The following CACNA1I variants were observed in gnomAD, a reference collection of about 807,000 sequenced individuals.
CACNA1I encodes voltage-dependent T-type calcium channel subunit alpha-1I.
CACNA1I carries 74 observed loss-of-function variants against 201.6 expected under a neutral mutation model. The ratio of observed to expected loss-of-function variants is 0.37; its 90% confidence interval spans 0.30 to 0.45. The LOEUF is 0.45. CACNA1I is among the 20% of genes least tolerant of loss of function. CACNA1I has a pLI of 1.00. For synonymous variants in CACNA1I, 1,431 were observed against 1,345.2 expected (o/e 1.06, Z -1.40); for missense variants, 2,346 against 3,138.1 (o/e 0.75, Z 6.03).
chr22:39,594,277 C>T (rs1047051826), intron 1 of CACNA1I, among the ~76,000 whole-genome samples: 24 of 151,736 alleles, frequency 1.6e-4, no homozygotes, highest in African/African-American at 4.6e-4. Context: ...TCCTGGGAGA[C>T]GCCACTAAGT....
rs769706054 is a variant in CACNA1I at position 39,646,613 on chromosome 22, G to A, written c.1194G>A (p.Ala398=). The A allele has an allele frequency of 8.9e-6, 14 of 1,571,194 alleles. No individual in the cohort carries two copies. The highest frequency in any genetic ancestry group is 5.4e-5 in the African/African-American group (4 of 73,736). The change falls in exon 8 of 37, where the codon GCG becomes GCA. Residue 398 remains alanine (A), a synonymous_variant. Coordinates refer to ENST00000402142, the MANE Select transcript of CACNA1I (RefSeq NM_021096.4). The stretch of plus-strand genomic sequence containing the variant: ...TCAACCTGTGCCTCGTTGTCATAGC[G>A]ACCCAGTTCTCGGAGACCAAGCAAC... ...FMINLCLVVI[A]TQFSETKQRE... is the part of the protein sequence containing the mutation.
Position 39,649,384 on chromosome 22 carries a change from C to T in CACNA1I, c.1568-117C>T, listed in dbSNP as rs1350364570. 12 of 1,078,396 alleles carry T rather than the reference C, an allele frequency of 1.1e-5. No individual in the cohort carries two copies. The highest frequency in any genetic ancestry group is 6.6e-5 in the Admixed American group (2 of 30,432). 66.8% of individuals were successfully genotyped at this position (1,078,396 alleles called of 1,614,324 possible). A position where few individuals can be genotyped will look rare whatever the true frequency, so the allele number is the denominator to read the frequency against. ...CCCTGACCGCCTTTCCAGGCTGGGTCGGCTGGTTCCAGGCAGACCTGTGGG... is the reference window on the plus strand; with the variant it reads ...CCCTGACCGCCTTTCCAGGCTGGGTTGGCTGGTTCCAGGCAGACCTGTGGG... On this transcript the variant is annotated intron_variant, in intron 9 of 36. Coordinates refer to ENST00000402142, the MANE Select transcript of CACNA1I (RefSeq NM_021096.4). The surrounding 1 kb of genome is among the most constrained non-coding windows in gnomAD (Gnocchi z 7.3).
chr22:39,663,707 A>T lies in CACNA1I; in HGVS notation c.3474-11A>T. The T allele has an allele frequency of 1.2e-6, 1 of 864,824 alleles. No individual in the cohort carries two copies. Among genetic ancestry groups the T allele is most frequent in the Non-Finnish European group, 1.8e-6 (1 of 566,934 alleles). The allele number at this position is 864,824 out of a possible 1,614,324, so 53.6% of individuals were successfully genotyped here. A position where few individuals can be genotyped will look rare whatever the true frequency, so the allele number is the denominator to read the frequency against. ...GCTGACGCTCAGGCAGCCCCCGCCC[A>T]CCCTGCCCAGGTTCCGGGTCCTGTG... On this transcript the variant is annotated splice_polypyrimidine_tract_variant and intron_variant, in intron 18 of 36. Transcript: ENST00000402142.
chr22:39,641,638 A>G (rs904243529), intron 6 of CACNA1I, among the ~76,000 whole-genome samples: 4 of 152,358 alleles, frequency 2.6e-5, no homozygotes, highest in Non-Finnish European at 2.9e-5. Flanking sequence ...CAAGTAGCTC[A>G]TCTGGAGTCA....
At chr22:39,604,153 C>T (rs570206610) in intron 3 of CACNA1I, among the ~76,000 whole-genome samples, 2 of 152,282 alleles carry the variant, frequency 1.3e-5, no homozygotes, top group Admixed American at 6.5e-5. Context: ...GTTCTGCTGG[C>T]TCCACAGACT....
intron 1 of CACNA1I, among the ~76,000 whole-genome samples, chr22:39,577,465 C>T (rs1932395550): frequency 6.6e-6 from 1 of 152,244 alleles, no homozygotes; most frequent in African/African-American, 2.4e-5. Context: ...CCTCATGGCC[C>T]CTCGAAGCCC....
intron 1 of CACNA1I, among the ~76,000 whole-genome samples, chr22:39,592,604 C>T (rs1932835442): frequency 1.3e-5 from 2 of 152,230 alleles, no homozygotes; most frequent in South Asian, 4.1e-4. Flanking sequence ...GGCTTCAAGC[C>T]TCGCTGTGAG....
intron 4 of CACNA1I, among the ~76,000 whole-genome samples, chr22:39,627,421 C>G (rs183213018): frequency 6.6e-6 from 1 of 152,236 alleles, no homozygotes; most frequent in Non-Finnish European, 1.5e-5. Context: ...CTGTGGACAG[C>G]GCCCCGAACG....
intron 2 of CACNA1I, among the ~76,000 whole-genome samples, chr22:39,598,941 GTTTTTTTTT>G (rs3044380): frequency 5.9e-5 from 4 of 68,266 alleles, no homozygotes; most frequent in East Asian, 4.6e-4. Context: ...TGCCTCTTGG[GTTTTTTTTT>G]TTTTTTTTTT....
rs149991020 is a variant in CACNA1I at position 39,636,871 on chromosome 22, C to A, written c.740+2147C>A. On this transcript the variant is annotated intron_variant, in intron 5 of 36. Transcript: ENST00000402142. Reference sequence around the variant, plus strand: ...CCCTGTGAGATGGACAGAGCTCCGTCGTCAGGGCGGAGAAGGGCCCTTCCT... The same window carrying A: ...CCCTGTGAGATGGACAGAGCTCCGTAGTCAGGGCGGAGAAGGGCCCTTCCT... Among the ~76,000 whole-genome samples the A allele has an allele frequency of 1.0e-3, 153 of 152,332 alleles. 1 individual carries two copies. Among genetic ancestry groups the A allele is most frequent in the African/African-American group, 3.5e-3 (147 of 41,578 alleles).
intron 5 of CACNA1I, among the ~76,000 whole-genome samples, chr22:39,639,168 G>A (rs1488895035): frequency 6.6e-6 from 1 of 152,190 alleles, no homozygotes; most frequent in African/African-American, 2.4e-5. Flanking sequence ...TCCTATAACT[G>A]TTTGCAGATT....
chr22:39,658,882 C>A, intron 11 of CACNA1I, 49 bp from the exon 12 acceptor site: 1 of 1,504,370 alleles, frequency 6.6e-7, no homozygotes, highest in South Asian at 1.2e-5. Context: ...CCCTGGCCTC[C>A]TACTGCTGCC....
rs1934924320 is a variant in CACNA1I, at chr22:39,659,351, C to T, written c.2331-82C>T. ...CCGCCTCCCCCTGCCCTGCATTTTA[C>T]TGAGTTGACTGAGAATGAAACAAGG... On this transcript the variant is annotated intron_variant, in intron 12 of 36. Coordinates refer to ENST00000402142, the MANE Select transcript of CACNA1I (RefSeq NM_021096.4). The surrounding 1 kb of genome is among the most constrained non-coding windows in gnomAD (Gnocchi z 4.3). 1 of 1,056,598 alleles carries T rather than the reference C, an allele frequency of 9.5e-7. No individual in the cohort carries two copies. The highest frequency in any genetic ancestry group is 1.4e-6 in the Non-Finnish European group (1 of 701,088). The allele number at this position is 1,056,598 out of a possible 1,614,324, so 65.5% of individuals were successfully genotyped here. A position where few individuals can be genotyped will look rare whatever the true frequency, so the allele number is the denominator to read the frequency against.
rs1250276165 is a variant in CACNA1I at position 39,676,106 on chromosome 22, C to T, written c.4855-1235C>T. ...GGTGAGGAGGCTGCTGCAACCCTGC[C>T]GGCTCTGAGATGCTGACAGCAGGGA... On this transcript the variant is annotated intron_variant, in intron 29 of 36. Coordinates refer to ENST00000402142, the MANE Select transcript of CACNA1I (RefSeq NM_021096.4). The surrounding 1 kb of genome is among the most constrained non-coding windows in gnomAD (Gnocchi z 4.8). 6.6e-6 allele frequency among the ~76,000 whole-genome samples: 1 copy of T among 152,124 alleles called. No homozygotes were observed. Among genetic ancestry groups the T allele is most frequent in the Non-Finnish European group, 1.5e-5 (1 of 68,018 alleles).
chr22:39,617,692 G>A (rs1448288525), intron 3 of CACNA1I, among the ~76,000 whole-genome samples: 1 of 152,100 alleles, frequency 6.6e-6, no homozygotes, highest in African/African-American at 2.4e-5. Context: ...GAATCCTCAT[G>A]CAGTCCCGCT....
chr22:39,629,935 C>T lies in CACNA1I; in HGVS notation c.581-4630C>T, dbSNP rs897962939. 7.9e-5 allele frequency among the ~76,000 whole-genome samples: 12 copies of T among 152,300 alleles called. No homozygotes were observed. The highest frequency in any genetic ancestry group is 6.5e-4 in the Admixed American group (10 of 15,290). The stretch of plus-strand genomic sequence containing the variant: ...CACCCCTTCCCCAGATCACGTCTCC[C>T]TTCTGCTCCATGACCCTTTGGAGAA... On this transcript the variant is annotated intron_variant, in intron 4 of 36. Transcript: ENST00000402142. This position sits in a 1 kb window ranked among gnomAD's most constrained non-coding sequence, Gnocchi z 4.8.
intron 18 of CACNA1I, 140 bp downstream of exon 18, chr22:39,663,016 A>G: frequency 3.1e-6 from 2 of 639,812 alleles, no homozygotes; most frequent in East Asian, 2.7e-5. Flanking sequence ...GGGGGTCTCC[A>G]GGGGAGAGTG....
Position 39,649,703 on chromosome 22 carries a change from T to C in CACNA1I, c.1770T>C (p.Asp590=). The C allele has an allele frequency of 6.6e-7, 1 of 1,522,596 alleles. No homozygotes were observed. The allele number at this position is 1,522,596 out of a possible 1,614,324, so 94.3% of individuals were successfully genotyped here. ...GSSAGGEDEA[D]GDGARSSEDG... Reference sequence around the variant, plus strand: ...CCGCTGGTGGCGAGGACGAGGCGGATGGGGACGGGGCCCGGAGCAGCGAGG... The same window carrying C: ...CCGCTGGTGGCGAGGACGAGGCGGACGGGGACGGGGCCCGGAGCAGCGAGG... Residue 590 remains aspartate, a synonymous_variant, in exon 10 of 37, where the codon GAT becomes GAC. Coordinates refer to ENST00000402142, the MANE Select transcript of CACNA1I (RefSeq NM_021096.4). This position sits in a 1 kb window ranked among gnomAD's most constrained non-coding sequence, Gnocchi z 7.3.
At chr22:39,581,758 A>G (rs1322956631) in intron 1 of CACNA1I, among the ~76,000 whole-genome samples, 1 of 152,144 alleles carries the variant, frequency 6.6e-6, no homozygotes, top group Non-Finnish European at 1.5e-5. Flanking sequence ...TTTTCCTTGG[A>G]GAGAAATCAA....
Sources: allele counts gnomAD v4.1 joint callset (sites outside exome capture counted in the v4.1 genomes callset), GRCh38; gene constraint gnomAD v4.1.1; non-coding constraint Gnocchi (gnomAD v3.1); transcripts MANE v1.5; gene names NCBI Gene and HGNC (gene_info 2026-07-23, HGNC 2026-07-21).